Variants in COQ8B observed in about 807,000 individuals in gnomAD.
The protein encoded by COQ8B is coenzyme Q8B, also known as atypical kinase COQ8B, mitochondrial.
COQ8B carries 44 observed loss-of-function variants against 62.0 expected under a neutral mutation model. The observed-to-expected ratio is 0.71, with a 90% confidence interval of 0.56 to 0.91. COQ8B has a LOEUF of 0.91. Ranked by LOEUF, COQ8B falls within the 40% of genes least tolerant of loss-of-function variation. The pLI, the probability that COQ8B is intolerant of heterozygous loss-of-function variation, is 0.00. For synonymous variants in COQ8B, 252 were observed against 289.9 expected (o/e 0.87, Z 1.33); for missense variants, 649 against 731.6 (o/e 0.89, Z 1.30).
At chr19:40,694,787 TC>T (rs1189585507) in intron 13 of COQ8B, among the ~76,000 whole-genome samples, 1 of 152,190 alleles carries the variant, frequency 6.6e-6, no homozygotes, top group Non-Finnish European at 1.5e-5. Flanking sequence ...CCCTCAGGTC[TC>T]AATGCTGACA....
chr19:40,705,239 G>GT, intron 6 of COQ8B, 58 bp from the exon 7 acceptor site: 1 of 1,597,758 alleles, frequency 6.3e-7, no homozygotes, highest in South Asian at 1.1e-5. Context: ...GGGACCCCGT[G>GT]TGAGTATCTG....
At chr19:40,700,524 G>C in intron 10 of COQ8B, 73 bp from the exon 11 acceptor site, 2 of 1,542,728 alleles carry the variant, frequency 1.3e-6, no homozygotes, top group Non-Finnish European at 1.8e-6. Flanking sequence ...CCTCCTCCTT[G>C]TGCTCTCAGA....
intron 13 of COQ8B, among the ~76,000 whole-genome samples, chr19:40,693,453 A>T (rs1238518906): frequency 6.6e-6 from 1 of 152,178 alleles, no homozygotes; most frequent in Non-Finnish European, 1.5e-5. Context: ...CAAGGATCCC[A>T]GTTGGGTTTA....
chr19:40,714,335 ACCCAGGCCTCT>A lies in COQ8B; in HGVS notation c.154_164del (p.Arg52Ter). On this transcript the variant is annotated frameshift_variant, in exon 3 of 15. Coordinates refer to ENST00000324464, the MANE Select transcript of COQ8B (RefSeq NM_024876.4). LOFTEE classifies it high-confidence loss of function. ...CCCGTGCCCTGCGAATGTCCTCCTC[ACCCAGGCCTCT>A]CCCAGGCCCATCCTGGTAAAACTTT... 4 of 1,614,054 alleles carry A rather than the reference ACCCAGGCCTCT, an allele frequency of 2.5e-6. No homozygotes were observed. The highest frequency in any genetic ancestry group is 3.4e-6 in the Non-Finnish European group (4 of 1,179,996).
intron 4 of COQ8B, among the ~76,000 whole-genome samples, chr19:40,712,687 A>G (rs1191227220): frequency 1.3e-5 from 2 of 152,180 alleles, no homozygotes; most frequent in African/African-American, 4.8e-5. Context: ...ACGAAACAAG[A>G]CTTTCCCTTG....
intron 13 of COQ8B, 77 bp from the exon 14 acceptor site, chr19:40,693,114 G>A: frequency 7.7e-7 from 1 of 1,303,982 alleles, no homozygotes; most frequent in Non-Finnish European, 1.1e-6. Context: ...CTGGAAGCCT[G>A]GGCCTCCCAT....
intron 4 of COQ8B, among the ~76,000 whole-genome samples, chr19:40,712,443 T>C (rs117822166): frequency 0.024 from 3,500 of 148,860 alleles, 49 homozygotes; most frequent in Non-Finnish European, 0.035. Context: ...CAAAAAATAG[T>C]TGGACGTGGT....
chr19:40,698,846 G>A (rs2144690649), intron 12 of COQ8B, among the ~76,000 whole-genome samples: 1 of 152,062 alleles, frequency 6.6e-6, no homozygotes, highest in East Asian at 1.9e-4. Context: ...GAAAACAGTT[G>A]GCAACCCCTG....
At chr19:40,715,009 G>A (rs1407119743) in intron 1 of COQ8B, 3 of 257,244 alleles carry the variant, frequency 1.2e-5, no homozygotes, top group Non-Finnish European at 1.2e-5. Flanking sequence ...CCCCCCGCCC[G>A]ATCCCCACCC....
chr19:40,696,841 C>A (rs139178364), intron 12 of COQ8B, among the ~76,000 whole-genome samples: 3 of 152,122 alleles, frequency 2.0e-5, no homozygotes, highest in Non-Finnish European at 4.4e-5. Context: ...TGTAAACAAT[C>A]TAGAGTAATG....
intron 13 of COQ8B, 28 bp from the exon 14 acceptor site, chr19:40,693,065 A>T (rs780896990): frequency 6.2e-7 from 1 of 1,604,308 alleles, no homozygotes; most frequent in Non-Finnish European, 8.5e-7. Context: ...AGTTAGAGGG[A>T]CAAAGGCCGG....
rs763451274 is a variant in COQ8B at position 40,714,612 on chromosome 19, GC to G, written c.20del (p.Gly7AlafsTer69). 2.4e-5 allele frequency: 39 copies of G among 1,609,698 alleles called. No homozygotes were observed. The highest frequency in any genetic ancestry group is 3.1e-5 in the Non-Finnish European group (37 of 1,178,068). On this transcript the variant is annotated frameshift_variant, in exon 2 of 15. Transcript: ENST00000324464. LOFTEE classifies it high-confidence loss of function. ...GCTGTCCACCGGTCCCCCGAAGTAG[GC>G]CCCCCACCTTCAGCCACATTGCCTG... MWLKVG[G>X]LLRGTGGQLG...
At chr19:40,713,548 CAA>C (rs59738172) in intron 4 of COQ8B, among the ~76,000 whole-genome samples, 15 of 90,282 alleles carry the variant, frequency 1.7e-4, no homozygotes, top group Non-Finnish European at 1.4e-4. Flanking sequence ...TACTCCGTCT[CAA>C]AAAAAAAAAA....
Position 40,710,101 on chromosome 19 carries a change from C to T in COQ8B, c.325G>A (p.Glu109Lys), listed in dbSNP as rs199930495. Residue 109 changes from glutamate to lysine, a missense_variant, in exon 5 of 15, where the codon GAG (glutamate) becomes AAG (lysine). Coordinates refer to ENST00000324464, the MANE Select transcript of COQ8B (RefSeq NM_024876.4). ...AVGLGLGVLA[E>K]MAKKSMPGGR... ...CCTGGCATGGACTTCTTAGCCATCT[C>T]GGCCAGTACTCCTAGCCCCAAGCCC... The T allele has an allele frequency of 2.0e-5, 32 of 1,613,916 alleles. No homozygotes were observed. The highest frequency in any genetic ancestry group is 5.3e-5 in the African/African-American group (4 of 74,924).
chr19:40,709,996 G>A (rs978619645), intron 5 of COQ8B, 63 bp downstream of exon 5: 3 of 1,563,082 alleles, frequency 1.9e-6, no homozygotes, highest in African/African-American at 1.4e-5. Context: ...GAGGGGTGAA[G>A]TCACTTGCCC....
intron 5 of COQ8B, 113 bp from the exon 6 acceptor site, chr19:40,705,560 C>T: frequency 4.8e-6 from 6 of 1,251,568 alleles, no homozygotes; most frequent in Non-Finnish European, 6.4e-6. Context: ...GGGATGAACA[C>T]AGGAGTCTGA....
rs2082093614 is a variant in COQ8B at position 40,705,464 on chromosome 19, C to T, written c.368-17G>A. 6.5e-7 allele frequency: 1 copy of T among 1,531,180 alleles called. No individual in the cohort carries two copies. The highest frequency in any genetic ancestry group is 8.8e-7 in the Non-Finnish European group (1 of 1,135,530). The allele number at this position is 1,531,180 out of a possible 1,614,324, so 94.8% of individuals were successfully genotyped here. On this transcript the variant is annotated splice_polypyrimidine_tract_variant and intron_variant, in intron 5 of 14. Coordinates refer to ENST00000324464, the MANE Select transcript of COQ8B (RefSeq NM_024876.4). ...AACCACCCTCTGGGGAGAGAACAAC[C>T]ATTAGAATTATAACCACAAATATCA...
chr19:40,696,135 C>A, intron 12 of COQ8B, 81 bp from the exon 13 acceptor site: 4 of 1,478,864 alleles, frequency 2.7e-6, no homozygotes, highest in South Asian at 1.1e-5. Context: ...GGATCTGTCT[C>A]CCTCCCCATG....
intron 1 of COQ8B, 175 bp from the exon 2 acceptor site, chr19:40,714,810 C>T: frequency 1.5e-6 from 2 of 1,346,706 alleles, no homozygotes. Context: ...ACCCTTAGCT[C>T]TTCCTGCAGG....
Sources: gnomAD v4.1 joint callset for allele counts (sites outside exome capture counted in the v4.1 genomes callset) on GRCh38, gnomAD v4.1.1 for gene constraint, MANE v1.5 for transcripts, NCBI Gene and HGNC (gene_info 2026-07-23, HGNC 2026-07-21) for gene names.